Variants in ELAVL2 observed in about 807,000 individuals in gnomAD.
ELAVL2 encodes the protein ELAV like RNA binding protein 2.
In ELAVL2, 4 loss-of-function variants were observed where a neutral mutation model predicts 34.6. The observed-to-expected ratio is 0.12, with a 90% CI of 0.06 to 0.26. The LOEUF (loss-of-function observed/expected upper bound fraction) is 0.26, where lower values mean the gene tolerates loss of function less well. Ranked by LOEUF, ELAVL2 falls within the 10% of genes least tolerant of loss-of-function variation. ELAVL2 has a pLI of 1.00. For synonymous variants in ELAVL2, 193 were observed against 154.8 expected (o/e 1.25, Z -1.83); for missense variants, 432 against 442.8 (o/e 0.98, Z 0.22).
At chr9:23,757,590 G>T (rs1264780222) in intron 2 of ELAVL2, among the ~76,000 whole-genome samples, 1 of 151,536 alleles carries the variant, frequency 6.6e-6, no homozygotes, top group African/African-American at 2.4e-5. Flanking sequence ...TGCAGCATCA[G>T]CAGGTGTCAA....
At position 23,690,538 on chromosome 9, in the gene ELAVL2, G is replaced by C. The variant is rs2032837844; in HGVS notation, c.*2019C>G. On this transcript the variant is annotated 3_prime_UTR_variant, in exon 7 of 7. Transcript: ENST00000397312. ...TGCTAAGCCAATTGATTTCTGAATA[G>C]CATTGAGTGGGTCAGCATGAAAACT... 6.6e-6 allele frequency: 1 copy of C among 152,490 alleles called. No homozygotes were observed. The highest frequency in any genetic ancestry group is 1.5e-5 in the Non-Finnish European group (1 of 67,990). The allele number at this position is 152,490 out of a possible 1,614,324, so 9.4% of individuals were successfully genotyped here. A position where few individuals can be genotyped will look rare whatever the true frequency, so the allele number is the denominator to read the frequency against.
chr9:23,762,196 G>A lies in ELAVL2; in HGVS notation c.39C>T (p.Asn13=), dbSNP rs1215750424. The change falls in exon 2 of 7, where the codon AAC becomes AAT. Residue 13 remains asparagine (N), a synonymous_variant. Coordinates refer to ENST00000397312, the MANE Select transcript of ELAVL2 (RefSeq NM_004432.5). The part of the protein sequence containing the change: ...TQLSNGPTCN[N]TANGPTTINN... ...TTATGGTGGTTGGACCATTGGCTGT[G>A]TTATTGCAAGTTGGCCCATTAGACA... The A allele has an allele frequency of 1.2e-6, 2 of 1,613,560 alleles. No individual in the cohort carries two copies. The highest frequency in any genetic ancestry group is 2.2e-5 in the East Asian group (1 of 44,872).
intron 2 of ELAVL2, among the ~76,000 whole-genome samples, chr9:23,755,565 A>G (rs184157182): frequency 2.6e-5 from 4 of 152,308 alleles, no homozygotes; most frequent in African/African-American, 9.6e-5. Context: ...CCTTTTGCCT[A>G]TGAGAGATGT....
intron 1 of ELAVL2, among the ~76,000 whole-genome samples, chr9:23,771,615 A>C (rs973240449): frequency 5.3e-5 from 8 of 152,168 alleles, no homozygotes; most frequent in Non-Finnish European, 1.0e-4. Flanking sequence ...AAAATCACAA[A>C]TCAGTAGCTT....
intron 2 of ELAVL2, among the ~76,000 whole-genome samples, chr9:23,754,163 A>T (rs1368612703): frequency 6.6e-6 from 1 of 152,098 alleles, no homozygotes; most frequent in Non-Finnish European, 1.5e-5. Flanking sequence ...TTTTATTCTA[A>T]CGGAACAAAA....
At chr9:23,832,658 C>T in the ELAVL2 span, among the ~76,000 whole-genome samples, 1 of 152,110 alleles carries the variant, frequency 6.6e-6, no homozygotes, top group Non-Finnish European at 1.5e-5. Flanking sequence ...AGGGCATTTA[C>T]ATTTTAAGTC....
chr9:23,720,793 C>A (rs2043490063), intron 3 of ELAVL2, among the ~76,000 whole-genome samples: 1 of 152,142 alleles, frequency 6.6e-6, no homozygotes, highest in South Asian at 2.1e-4. Context: ...CATTAAGATC[C>A]ACTGAACAGT....
At chr9:23,821,389 T>G (rs954582700) in intron 1 of ELAVL2, 2 of 151,700 alleles carry the variant, frequency 1.3e-5, no homozygotes, top group African/African-American at 2.4e-5. Flanking sequence ...CGCCCAATTC[T>G]CTCTACTCCC....
chr9:23,717,361 A>C (rs1377029600), intron 3 of ELAVL2, among the ~76,000 whole-genome samples: 1 of 152,206 alleles, frequency 6.6e-6, no homozygotes, highest in Non-Finnish European at 1.5e-5. Context: ...TGATCCACCC[A>C]AAATTCATTC....
intron 3 of ELAVL2, among the ~76,000 whole-genome samples, chr9:23,711,355 G>A (rs1236142522): frequency 6.6e-6 from 1 of 152,182 alleles, no homozygotes; most frequent in African/African-American, 2.4e-5. Flanking sequence ...CAAGTGAGAA[G>A]TTCAGAGATA....
intron 1 of ELAVL2, chr9:23,779,467 C>A: frequency 1.0e-6 from 1 of 954,194 alleles, no homozygotes; most frequent in Non-Finnish European, 1.2e-6. Flanking sequence ...AGTGGGTGGG[C>A]GGGCTTCCTT....
rs2036091521 is a variant in ELAVL2, at chr9:23,698,614, G to A, written c.713+2765C>T. Among the ~76,000 whole-genome samples, 4 of 152,094 alleles carry A rather than the reference G, an allele frequency of 2.6e-5. No individual in the cohort carries two copies. In the South Asian group the frequency reaches 8.3e-4, roughly 31 times the overall value. ...TGCTGAAAGGTGACAAAAACTCAAGGCAAGAGCATTAAAACACAAATATCA... is the reference window on the plus strand; with the variant it reads ...TGCTGAAAGGTGACAAAAACTCAAGACAAGAGCATTAAAACACAAATATCA... On this transcript the variant is annotated intron_variant, in intron 5 of 6. Transcript: ENST00000397312.
At chr9:23,740,638 A>G (rs1035508606) in intron 2 of ELAVL2, among the ~76,000 whole-genome samples, 1 of 151,374 alleles carries the variant, frequency 6.6e-6, no homozygotes, top group African/African-American at 2.5e-5. Flanking sequence ...CCAAGAGACT[A>G]TCTGTGAAAG....
intron 2 of ELAVL2, among the ~76,000 whole-genome samples, chr9:23,758,785 G>A (rs1304863958): frequency 2.0e-5 from 3 of 151,948 alleles, no homozygotes; most frequent in African/African-American, 4.8e-5. Context: ...CTTTACTGCT[G>A]GATTTTTCAT....
intron 3 of ELAVL2, among the ~76,000 whole-genome samples, chr9:23,728,789 G>A (rs1035647619): frequency 6.6e-6 from 1 of 152,060 alleles, no homozygotes; most frequent in Non-Finnish European, 1.5e-5. Context: ...AACAGGCAAA[G>A]GGGGTGCTAT....
Position 23,720,335 on chromosome 9 carries a change from G to A in ELAVL2, c.333+10687C>T, listed in dbSNP as rs116983690. Reference sequence around the variant, plus strand: ...ATCACAGGCACCCGCCACCATGTTCGGCTAATTTTTGTACTTTTTAGTAGA... The same window carrying A: ...ATCACAGGCACCCGCCACCATGTTCAGCTAATTTTTGTACTTTTTAGTAGA... On this transcript the variant is annotated intron_variant, in intron 3 of 6. Coordinates refer to ENST00000397312, the MANE Select transcript of ELAVL2 (RefSeq NM_004432.5). 1.3e-3 allele frequency among the ~76,000 whole-genome samples: 201 copies of A among 151,742 alleles called. 3 individuals carry two copies. In the East Asian group the frequency reaches 0.031, roughly 24 times the overall value.
chr9:23,760,945 A>G (rs936793745), intron 2 of ELAVL2, among the ~76,000 whole-genome samples: 2 of 151,978 alleles, frequency 1.3e-5, no homozygotes, highest in Admixed American at 6.6e-5. Flanking sequence ...CATGTATGAA[A>G]AAGTCAAAAG....
At chr9:23,783,495 G>A (rs1424750289) in intron 1 of ELAVL2, 4 of 985,446 alleles carry the variant, frequency 4.1e-6, no homozygotes, top group Non-Finnish European at 3.6e-6. Flanking sequence ...GTTCATTATT[G>A]AATAAAGGCA....
At chr9:23,722,051 C>T (rs1458620542) in intron 3 of ELAVL2, among the ~76,000 whole-genome samples, 1 of 152,126 alleles carries the variant, frequency 6.6e-6, no homozygotes, top group Non-Finnish European at 1.5e-5. Context: ...AGCAGCATGT[C>T]AAGACACTTC....
Sources: gnomAD v4.1 joint callset for allele counts (sites outside exome capture counted in the v4.1 genomes callset) on GRCh38, gnomAD v4.1.1 for gene constraint, MANE v1.5 for transcripts, NCBI Gene and HGNC (gene_info 2026-07-23, HGNC 2026-07-21) for gene names.